Variants in PRR16 observed in about 807,000 individuals in gnomAD.
The protein encoded by PRR16 is protein Largen.
PRR16 carries 6 observed loss-of-function variants against 18.2 expected under a neutral mutation model. The ratio of observed to expected loss-of-function variants is 0.33; its 90% CI spans 0.18 to 0.65. The LOEUF (loss-of-function observed/expected upper bound fraction) is 0.65, where lower values mean the gene tolerates loss of function less well. PRR16 is among the 30% of genes least tolerant of loss of function. The pLI is 0.74. For synonymous variants in PRR16, 151 were observed against 147.8 expected, an observed-to-expected ratio of 1.02 and a Z score of -0.16; for missense variants, 412 against 376.6, an observed-to-expected ratio of 1.09 and a Z score of -0.78.
At chr5:120,732,339 AT>A in the PRR16 span, among the ~76,000 whole-genome samples, 1 of 152,096 alleles carries the variant, frequency 6.6e-6, no homozygotes, top group Non-Finnish European at 1.5e-5. Context: ...CTTTTCCTCC[AT>A]TTTTTTGGTT....
At chr5:120,732,457 C>T in the PRR16 span, among the ~76,000 whole-genome samples, 5 of 152,172 alleles carry the variant, frequency 3.3e-5, no homozygotes, top group Non-Finnish European at 7.4e-5. Context: ...TTTCTTCCCA[C>T]TATCACTTGA....
At chr5:120,708,561 T>A in the PRR16 span, among the ~76,000 whole-genome samples, 1 of 152,296 alleles carries the variant, frequency 6.6e-6, no homozygotes, top group African/African-American at 2.4e-5. Flanking sequence ...AAGCTAAAAA[T>A]TTTATTAATG....
intron 1 of PRR16, among the ~76,000 whole-genome samples, chr5:120,596,589 CT>C (rs1174717332): frequency 2.0e-5 from 3 of 151,728 alleles, no homozygotes; most frequent in Non-Finnish European, 4.4e-5. Flanking sequence ...AATTGCCCAA[CT>C]TAAAGCAAAT....
intron 1 of PRR16, among the ~76,000 whole-genome samples, chr5:120,571,655 C>A (rs1170715830): frequency 6.6e-6 from 1 of 152,082 alleles, no homozygotes; most frequent in African/African-American, 2.4e-5. Flanking sequence ...TTTAAGTTAT[C>A]TAAGAGAGGC....
At chr5:120,712,144 T>C in the PRR16 span, among the ~76,000 whole-genome samples, 2 of 152,180 alleles carry the variant, frequency 1.3e-5, no homozygotes, top group Non-Finnish European at 2.9e-5. Context: ...TACGTATACA[T>C]AGTGAAATGC....
chr5:120,510,498 C>A (rs1750792971), intron 1 of PRR16, among the ~76,000 whole-genome samples: 1 of 152,112 alleles, frequency 6.6e-6, no homozygotes, highest in Non-Finnish European at 1.5e-5. Context: ...TTTTGCACTT[C>A]CTATCATTTG....
At position 120,477,375 on chromosome 5, in the gene PRR16, C is replaced by T. The variant is rs531138604; in HGVS notation, c.159+12730C>T. ...GTTCTTCCCCTCCCTTGTCAGTTAACGGCATCTCCATCCTTTTAGACCTGG... is the reference window on the plus strand; with the variant it reads ...GTTCTTCCCCTCCCTTGTCAGTTAATGGCATCTCCATCCTTTTAGACCTGG... On this transcript the variant is annotated intron_variant, in intron 1 of 1. Transcript: ENST00000407149. Among the ~76,000 whole-genome samples, 3 of 152,230 alleles carry T rather than the reference C, an allele frequency of 2.0e-5. No individual in the cohort carries two copies. The South Asian group carries it at 6.2e-4, about 32-fold the overall frequency.
intron 1 of PRR16, among the ~76,000 whole-genome samples, chr5:120,523,402 G>A (rs946834150): frequency 2.6e-5 from 4 of 152,052 alleles, no homozygotes; most frequent in Admixed American, 2.0e-4. Flanking sequence ...TTTTACTAAT[G>A]AGGCAAGTAC....
chr5:120,511,932 A>G (rs1750839159), intron 1 of PRR16, among the ~76,000 whole-genome samples: 1 of 152,186 alleles, frequency 6.6e-6, no homozygotes, highest in African/African-American at 2.4e-5. Flanking sequence ...ATGAAGAGCT[A>G]TTGTTTTTAA....
intron 1 of PRR16, among the ~76,000 whole-genome samples, chr5:120,667,194 G>A (rs1333120047): frequency 1.5e-5 from 2 of 134,904 alleles, no homozygotes; most frequent in Admixed American, 7.5e-5. Context: ...TTGGGAGAGT[G>A]TATGTGTCGA....
chr5:120,532,250 G>T (rs1231819200), intron 1 of PRR16, among the ~76,000 whole-genome samples: 1 of 151,868 alleles, frequency 6.6e-6, no homozygotes, highest in Non-Finnish European at 1.5e-5. Flanking sequence ...ACAAGTGTTT[G>T]GAAAAATTTT....
chr5:120,757,355 T>C, the PRR16 span, among the ~76,000 whole-genome samples: 3 of 152,200 alleles, frequency 2.0e-5, no homozygotes, highest in East Asian at 5.8e-4. Context: ...CTGTGAATAA[T>C]AACATTGGTA....
At chr5:120,656,606 A>G (rs993746976) in intron 1 of PRR16, among the ~76,000 whole-genome samples, 1 of 151,922 alleles carries the variant, frequency 6.6e-6, no homozygotes, top group Non-Finnish European at 1.5e-5. Context: ...AAAAGCACAC[A>G]TTTCAGTTAA....
intron 1 of PRR16, among the ~76,000 whole-genome samples, chr5:120,531,214 C>T (rs1751539285): frequency 6.6e-6 from 1 of 151,866 alleles, no homozygotes; most frequent in Admixed American, 6.6e-5. Context: ...ACATTTTTTC[C>T]CTCTTTAGTG....
At chr5:120,473,229 C>G (rs78257855) in intron 1 of PRR16, among the ~76,000 whole-genome samples, 1 of 151,982 alleles carries the variant, frequency 6.6e-6, no homozygotes, top group Admixed American at 6.6e-5. Context: ...TTATGTTTAT[C>G]CAATTATATA....
intron 1 of PRR16, among the ~76,000 whole-genome samples, chr5:120,506,718 A>G (rs1235678900): frequency 6.6e-6 from 1 of 151,976 alleles, no homozygotes; most frequent in African/African-American, 2.4e-5. Context: ...TATTCTAGAC[A>G]TGTTGTATGA....
intron 1 of PRR16, among the ~76,000 whole-genome samples, chr5:120,630,302 A>T (rs993230172): frequency 5.9e-5 from 9 of 151,668 alleles, no homozygotes; most frequent in Non-Finnish European, 1.3e-4. Flanking sequence ...GTCTTTTTTT[A>T]TTATCCTAAG....
chr5:120,662,786 C>T (rs145662192), intron 1 of PRR16, among the ~76,000 whole-genome samples: 135 of 152,190 alleles, frequency 8.9e-4, no homozygotes, highest in Non-Finnish European at 1.5e-3. Context: ...AGGCCCAGCA[C>T]GAAGGTGAGC....
chr5:120,722,241 A>G, the PRR16 span, among the ~76,000 whole-genome samples: 5 of 151,954 alleles, frequency 3.3e-5, no homozygotes, highest in African/African-American at 1.2e-4. Context: ...GTCTGTTAGT[A>G]TTCTTATAGA....
Sources: allele counts gnomAD v4.1 joint callset (sites outside exome capture counted in the v4.1 genomes callset), GRCh38; gene constraint gnomAD v4.1.1; transcripts MANE v1.5; gene names NCBI Gene and HGNC (gene_info 2026-07-23, HGNC 2026-07-21).